The following MMP16 variants were observed in gnomAD, a reference collection of about 807,000 sequenced individuals.
MMP16 encodes the protein matrix metallopeptidase 16.
Under a neutral mutation model 67.8 loss-of-function variants are expected in MMP16, and 12 were observed. The ratio of observed to expected loss-of-function variants is 0.18; its 90% confidence interval spans 0.11 to 0.29. The LOEUF (loss-of-function observed/expected upper bound fraction) is 0.29. MMP16 is among the 10% of genes least tolerant of loss of function. MMP16 has a pLI of 1.00. For missense variants in MMP16, 475 were observed against 765.7 expected (o/e 0.62, Z 4.48); for synonymous variants, 249 against 255.9 (o/e 0.97, Z 0.26).
chr8:88,175,315 G>T (rs943380892), intron 3 of MMP16, among the ~76,000 whole-genome samples: 1 of 152,042 alleles, frequency 6.6e-6, no homozygotes, highest in African/African-American at 2.4e-5. Flanking sequence ...TCTGCATATT[G>T]TCAGGGTACA....
In MMP16 at chr8:88,046,715, T is replaced by C; in HGVS notation, c.1443A>G (p.Lys481=). ...CTCCCTGAGGAGATTCAGGGATCCC[T>C]TTCCAGACTGTGATTGGCTTGGGAT... ...PGYPKPITVW[K]GIPESPQGAF... is the part of the protein sequence containing the mutation. The change falls in exon 9 of 10, where the codon AAA becomes AAG. Residue 481 remains lysine (K), a synonymous_variant. Coordinates refer to ENST00000286614, the MANE Select transcript of MMP16 (RefSeq NM_005941.5). 1 of 1,610,998 alleles carries C rather than the reference T, an allele frequency of 6.2e-7. No homozygotes were observed. The highest frequency in any genetic ancestry group is 8.5e-7 in the Non-Finnish European group (1 of 1,179,092).
intron 1 of MMP16, among the ~76,000 whole-genome samples, chr8:88,278,838 A>C (rs1436168118): frequency 6.6e-6 from 1 of 152,164 alleles, no homozygotes; most frequent in Admixed American, 6.5e-5. Context: ...GCATTGTACA[A>C]TCCTAACTTG....
At chr8:88,062,955 T>C (rs1398842213) in intron 7 of MMP16, among the ~76,000 whole-genome samples, 2 of 152,088 alleles carry the variant, frequency 1.3e-5, no homozygotes, top group Non-Finnish European at 2.9e-5. Context: ...ACAGTCTGGG[T>C]CTCAAGGAAA....
intron 1 of MMP16, among the ~76,000 whole-genome samples, chr8:88,247,629 G>C (rs1309215114): frequency 6.6e-6 from 1 of 152,114 alleles, no homozygotes; most frequent in Non-Finnish European, 1.5e-5. Context: ...GCACAAAAGA[G>C]AGAGAGATTG....
chr8:88,324,143 T>C (rs1811502758), intron 1 of MMP16, among the ~76,000 whole-genome samples: 1 of 152,200 alleles, frequency 6.6e-6, no homozygotes, highest in Non-Finnish European at 1.5e-5. Flanking sequence ...TCTTCCATAG[T>C]ACTACTCCTG....
intron 1 of MMP16, among the ~76,000 whole-genome samples, chr8:88,202,121 C>G (rs561188305): frequency 6.6e-6 from 1 of 152,052 alleles, no homozygotes; most frequent in Non-Finnish European, 1.5e-5. Flanking sequence ...GATTAGTGTA[C>G]GAAATTGCAC....
intron 6 of MMP16, among the ~76,000 whole-genome samples, chr8:88,080,362 T>C (rs554371812): frequency 9.2e-5 from 14 of 152,194 alleles, no homozygotes. Context: ...TGGAAAAAAT[T>C]AGAAAAACAT....
intron 1 of MMP16, among the ~76,000 whole-genome samples, chr8:88,236,196 A>G (rs1256988530): frequency 1.3e-5 from 2 of 151,570 alleles, no homozygotes; most frequent in Admixed American, 1.3e-4. Context: ...GCACAGTTAC[A>G]GGGCAGGGTG....
chr8:88,146,680 T>C (rs964962387), intron 4 of MMP16, among the ~76,000 whole-genome samples: 3 of 152,094 alleles, frequency 2.0e-5, no homozygotes, highest in African/African-American at 7.2e-5. Context: ...AACATTTAAA[T>C]GATACTTCTT....
chr8:88,240,041 C>T (rs1171399419), intron 1 of MMP16, among the ~76,000 whole-genome samples: 1 of 152,182 alleles, frequency 6.6e-6, no homozygotes, highest in Admixed American at 6.5e-5. Context: ...CCCATGCTGC[C>T]TTACATACTC....
chr8:88,294,340 GTGTATA>G (rs1461131911), intron 1 of MMP16, among the ~76,000 whole-genome samples: 19 of 149,088 alleles, frequency 1.3e-4, no homozygotes, highest in South Asian at 2.1e-4. Context: ...GTCTATATAT[GTGTATA>G]TGTATATGTA....
At chr8:88,279,435 T>C (rs1240111488) in intron 1 of MMP16, among the ~76,000 whole-genome samples, 1 of 152,170 alleles carries the variant, frequency 6.6e-6, no homozygotes, top group East Asian at 1.9e-4. Context: ...TCAGAACTAG[T>C]CTAATGTATT....
intron 4 of MMP16, among the ~76,000 whole-genome samples, chr8:88,137,476 A>C (rs1321412888): frequency 6.6e-6 from 1 of 152,010 alleles, no homozygotes; most frequent in Non-Finnish European, 1.5e-5. Flanking sequence ...TCTCTTAAAC[A>C]AATGTGCCTT....
At position 88,158,041 on chromosome 8, in the gene MMP16, G is replaced by T. The variant is rs549910171; in HGVS notation, c.709+9628C>A. ...GCTGCATAGTATTCCATGGTGTATA[G>T]GTGCCCCATTTTCTTAATCCAGTCT... is the stretch of plus-strand genomic sequence containing the variant. On this transcript the variant is annotated intron_variant, in intron 4 of 9. Transcript: ENST00000286614. Among the ~76,000 whole-genome samples the T allele has an allele frequency of 3.9e-3, 589 of 152,022 alleles. 6 individuals carry two copies. The highest frequency in any genetic ancestry group is 0.013 in the African/African-American group (550 of 41,438).
chr8:88,051,432 C>A (rs1047985104), intron 8 of MMP16, among the ~76,000 whole-genome samples: 1 of 152,062 alleles, frequency 6.6e-6, no homozygotes, highest in Non-Finnish European at 1.5e-5. Flanking sequence ...TATAAATGAA[C>A]CTCATAGCTC....
intron 6 of MMP16, 134 bp from the exon 7 acceptor site, chr8:88,074,877 A>G: frequency 8.5e-7 from 1 of 1,182,260 alleles, no homozygotes; most frequent in Non-Finnish European, 1.2e-6. Context: ...TCAGAGAAAG[A>G]GCTAAACAAC....
chr8:88,100,880 A>G (rs1809130076), intron 6 of MMP16, among the ~76,000 whole-genome samples: 1 of 151,794 alleles, frequency 6.6e-6, no homozygotes, highest in African/African-American at 2.4e-5. Flanking sequence ...TGCAAGAACA[A>G]AAAACCAAAC....
chr8:88,217,682 G>A (rs2129836157), intron 1 of MMP16, among the ~76,000 whole-genome samples: 1 of 152,028 alleles, frequency 6.6e-6, no homozygotes, highest in South Asian at 2.1e-4. Flanking sequence ...TTCTCATCTG[G>A]AGACATTTTC....
At chr8:88,050,934 T>G (rs1460385869) in intron 8 of MMP16, among the ~76,000 whole-genome samples, 1 of 152,210 alleles carries the variant, frequency 6.6e-6, no homozygotes, top group Non-Finnish European at 1.5e-5. Context: ...TAAATTTTAT[T>G]ACACTCTTTT....
Sources: gnomAD v4.1 joint callset for allele counts (sites outside exome capture counted in the v4.1 genomes callset) on GRCh38, gnomAD v4.1.1 for gene constraint, MANE v1.5 for transcripts, NCBI Gene and HGNC (gene_info 2026-07-23, HGNC 2026-07-21) for gene names.